KCNIP4: variants seen among roughly 807,000 people sequenced by gnomAD.
The protein encoded by KCNIP4 is potassium voltage-gated channel interacting protein 4, also known as Kv channel-interacting protein 4.
A neutral mutation model predicts 34.0 loss-of-function variants in KCNIP4; 12 were observed. That is an observed-to-expected ratio of 0.35 (90% CI 0.23 to 0.57). The LOEUF is 0.57. Among genes scored for constraint, KCNIP4 ranks in the 20% least tolerant of loss-of-function variants. The pLI, the probability that KCNIP4 is intolerant of heterozygous loss-of-function variation, is 0.83. For synonymous variants in KCNIP4, 124 were observed against 102.2 expected (o/e 1.21, Z -1.29); for missense variants, 238 against 311.7 (o/e 0.76, Z 1.78).
At chr4:21,521,622 T>C (rs1735533510) in intron 1 of KCNIP4, among the ~76,000 whole-genome samples, 1 of 152,172 alleles carries the variant, frequency 6.6e-6, no homozygotes, top group African/African-American at 2.4e-5. Flanking sequence ...ATTCCTTTCT[T>C]GCATTGCCCA....
chr4:21,141,028 G>A (rs1352908851), intron 1 of KCNIP4, among the ~76,000 whole-genome samples: 1 of 152,096 alleles, frequency 6.6e-6, no homozygotes, highest in African/African-American at 2.4e-5. Flanking sequence ...CTAGACCCTG[G>A]CAATAAAGCA....
chr4:21,845,828 T>G (rs1310082300), intron 1 of KCNIP4: 2 of 152,140 alleles, frequency 1.3e-5, no homozygotes, highest in Non-Finnish European at 2.9e-5. Flanking sequence ...TTGAAATATC[T>G]TAGTAGCTGG....
At chr4:21,813,048 T>C (rs1275340968) in intron 1 of KCNIP4, among the ~76,000 whole-genome samples, 1 of 152,178 alleles carries the variant, frequency 6.6e-6, no homozygotes, top group South Asian at 2.1e-4. Context: ...CATCTTCTAA[T>C]GGCTTCTAAC....
At chr4:21,756,969 C>A (rs929375379) in intron 1 of KCNIP4, among the ~76,000 whole-genome samples, 1 of 151,284 alleles carries the variant, frequency 6.6e-6, no homozygotes, top group African/African-American at 2.4e-5. Flanking sequence ...TGGTAGCAGG[C>A]ACCTGTAATC....
chr4:21,752,347 AC>A (rs748401185), intron 1 of KCNIP4, among the ~76,000 whole-genome samples: 5 of 152,076 alleles, frequency 3.3e-5, no homozygotes, highest in Non-Finnish European at 7.4e-5. Context: ...GCAAGCTTGT[AC>A]CTTCTCACAT....
chr4:21,440,251 G>A (rs1727341972), intron 1 of KCNIP4, among the ~76,000 whole-genome samples: 1 of 152,198 alleles, frequency 6.6e-6, no homozygotes, highest in African/African-American at 2.4e-5. Flanking sequence ...ATTGTCAAGT[G>A]AGTATATTGG....
chr4:21,573,666 GA>G, intron 1 of KCNIP4, among the ~76,000 whole-genome samples: 1 of 152,042 alleles, frequency 6.6e-6, no homozygotes, highest in East Asian at 1.9e-4. Context: ...TCTATTCTGA[GA>G]CACAACTTTT....
At chr4:21,839,068 C>A (rs892325272) in intron 1 of KCNIP4, among the ~76,000 whole-genome samples, 58 of 152,194 alleles carry the variant, frequency 3.8e-4, no homozygotes, top group African/African-American at 1.3e-3. Context: ...ATGCCTCTAG[C>A]AAGTTTGATC....
chr4:20,760,861 G>C (rs1158445736), intron 3 of KCNIP4, among the ~76,000 whole-genome samples: 1 of 152,192 alleles, frequency 6.6e-6, no homozygotes, highest in Non-Finnish European at 1.5e-5. Flanking sequence ...AAGCAAGCAA[G>C]TGAACTGTGA....
At chr4:21,284,741 TGTGTGTGTGTGTGTGTGTGC>T (rs1201088367) in intron 1 of KCNIP4, among the ~76,000 whole-genome samples, 2 of 147,798 alleles carry the variant, frequency 1.4e-5, no homozygotes, top group South Asian at 2.2e-4. Flanking sequence ...CCCTTGTGTG[TGTGTGTGTGTGTGTGTGTGC>T]GTGTGTGTGT....
rs539769666 is a variant in KCNIP4 at position 21,135,599 on chromosome 4, A to C, written c.62-252890T>G. 9.2e-5 allele frequency among the ~76,000 whole-genome samples: 14 copies of C among 152,336 alleles called. No homozygotes were observed. In the South Asian group the frequency reaches 2.7e-3, roughly 29 times the overall value. On this transcript the variant is annotated intron_variant, in intron 1 of 8. Transcript: ENST00000382152. ...TGCAAAATCCTAAAATGTTATCTTA[A>C]TCCTAAAATAAAGATTAAATCTACA... is the stretch of plus-strand genomic sequence containing the variant.
At chr4:21,248,772 A>G (rs1425537852) in intron 1 of KCNIP4, among the ~76,000 whole-genome samples, 2 of 152,158 alleles carry the variant, frequency 1.3e-5, no homozygotes, top group African/African-American at 4.8e-5. Flanking sequence ...TTTCTCCTTT[A>G]TTCAAACATT....
At chr4:21,229,727 G>C (rs1758659594) in intron 1 of KCNIP4, among the ~76,000 whole-genome samples, 1 of 152,100 alleles carries the variant, frequency 6.6e-6, no homozygotes, top group South Asian at 2.1e-4. Flanking sequence ...TTGGAGGCGA[G>C]AGTAAAAAGA....
chr4:21,031,224 G>T (rs1560661435), intron 1 of KCNIP4, among the ~76,000 whole-genome samples: 1 of 152,158 alleles, frequency 6.6e-6, no homozygotes, highest in Non-Finnish European at 1.5e-5. Context: ...GCACCTACGT[G>T]CTTGTCATAG....
chr4:20,985,526 G>A (rs1436188011), intron 1 of KCNIP4, among the ~76,000 whole-genome samples: 3 of 152,100 alleles, frequency 2.0e-5, no homozygotes, highest in African/African-American at 4.8e-5. Context: ...CAAGCAGTGG[G>A]CATAGTGACT....
In KCNIP4 at chr4:20,985,685, T is replaced by C. The variant is rs1394318139; in HGVS notation, c.62-102976A>G. Among the ~76,000 whole-genome samples the C allele has an allele frequency of 2.0e-5, 3 of 152,136 alleles. No individual in the cohort carries two copies. The East Asian group carries it at 5.8e-4, about 29-fold the overall frequency. On this transcript the variant is annotated intron_variant, in intron 1 of 8. Transcript: ENST00000382152. ...TTATAGTTTAATGAGGAGGCAGGCA[T>C]GAAGTAAAATGTGACCAATAAATAC...
chr4:21,725,858 A>T (rs1577907091), intron 1 of KCNIP4, among the ~76,000 whole-genome samples: 1 of 152,272 alleles, frequency 6.6e-6, no homozygotes, highest in East Asian at 1.9e-4. Context: ...TGATTTAATA[A>T]TTAATTAATT....
chr4:20,850,304 T>A (rs1720869539), intron 3 of KCNIP4: 2 of 343,184 alleles, frequency 5.8e-6, no homozygotes, highest in Admixed American at 4.3e-5. Flanking sequence ...AAGAACTGAA[T>A]TGAATAAAAC....
At chr4:21,650,273 G>A (rs1323548848) in intron 1 of KCNIP4, among the ~76,000 whole-genome samples, 1 of 152,184 alleles carries the variant, frequency 6.6e-6, no homozygotes, top group Non-Finnish European at 1.5e-5. Context: ...CTTGGACTTT[G>A]TCCTTGTTCC....
Sources: allele counts gnomAD v4.1 joint callset (sites outside exome capture counted in the v4.1 genomes callset), GRCh38; gene constraint gnomAD v4.1.1; transcripts MANE v1.5; gene names NCBI Gene and HGNC (gene_info 2026-07-23, HGNC 2026-07-21).